Variants in GALNTL6 observed in about 807,000 individuals in gnomAD.
The protein encoded by GALNTL6 is polypeptide N-acetylgalactosaminyltransferase-like 6.
GALNTL6 carries 46 observed loss-of-function variants against 73.7 expected under a neutral mutation model. That is an observed-to-expected ratio of 0.62 (90% CI 0.49 to 0.80). The LOEUF is 0.80. Among genes scored for constraint, GALNTL6 ranks in the 30% least tolerant of loss-of-function variants. The pLI is 0.00. For missense variants in GALNTL6, 604 were observed against 755.0 expected, an observed-to-expected ratio of 0.80 and a Z score of 2.34; for synonymous variants, 259 against 263.7, an observed-to-expected ratio of 0.98 and a Z score of 0.17.
intron 5 of GALNTL6, among the ~76,000 whole-genome samples, chr4:172,421,959 C>T (rs1480585161): frequency 6.6e-6 from 1 of 152,030 alleles, no homozygotes; most frequent in African/African-American, 2.4e-5. Context: ...TGTTTTTAAT[C>T]TAATCAAAAA....
chr4:172,966,206 T>C (rs1039539510), intron 10 of GALNTL6, among the ~76,000 whole-genome samples: 18 of 152,254 alleles, frequency 1.2e-4, no homozygotes, highest in Non-Finnish European at 2.1e-4. Flanking sequence ...ACCCTACCAA[T>C]GGGGTGACAT....
intron 2 of GALNTL6, among the ~76,000 whole-genome samples, chr4:172,134,247 T>C (rs1222813743): frequency 6.6e-6 from 1 of 151,946 alleles, no homozygotes; most frequent in Non-Finnish European, 1.5e-5. Flanking sequence ...TAGCTGGGCA[T>C]GGTGGCGGGC....
intron 5 of GALNTL6, among the ~76,000 whole-genome samples, chr4:172,363,922 T>G (rs2111244546): frequency 6.6e-6 from 1 of 152,310 alleles, no homozygotes; most frequent in East Asian, 1.9e-4. Flanking sequence ...ACACTAATGA[T>G]GTATGTCAGA....
intron 5 of GALNTL6, among the ~76,000 whole-genome samples, chr4:172,540,465 A>T (rs1735511687): frequency 6.6e-6 from 1 of 152,114 alleles, no homozygotes; most frequent in Non-Finnish European, 1.5e-5. Flanking sequence ...AAAATAAATA[A>T]ATAAATAAAA....
intron 8 of GALNTL6, among the ~76,000 whole-genome samples, chr4:172,890,311 T>C (rs1745965082): frequency 1.3e-5 from 2 of 152,102 alleles, no homozygotes; most frequent in African/African-American, 4.8e-5. Context: ...GTTGGAGTGT[T>C]TTTGTTTTTC....
chr4:172,093,030 C>A (rs1027688542), intron 2 of GALNTL6, among the ~76,000 whole-genome samples: 1 of 151,700 alleles, frequency 6.6e-6, no homozygotes, highest in Admixed American at 6.6e-5. Context: ...CCCACCACCA[C>A]GCCTGACTAA....
At chr4:172,331,936 GA>G (rs1741140547) in intron 4 of GALNTL6, among the ~76,000 whole-genome samples, 1 of 152,122 alleles carries the variant, frequency 6.6e-6, no homozygotes, top group African/African-American at 2.4e-5. Flanking sequence ...AATTTTTTAA[GA>G]AATCTCTATA....
intron 7 of GALNTL6, among the ~76,000 whole-genome samples, chr4:172,837,730 C>A (rs1463024188): frequency 1.3e-5 from 2 of 152,050 alleles, no homozygotes; most frequent in Non-Finnish European, 1.5e-5. Context: ...ATGATAAAAG[C>A]AATTCTAAAC....
rs930534490 is a variant in GALNTL6, at chr4:171,903,563, G to C, written c.138+88845G>C. On this transcript the variant is annotated intron_variant, in intron 2 of 12. Coordinates refer to ENST00000506823, the MANE Select transcript of GALNTL6 (RefSeq NM_001034845.3). ...AAACTGCAAGGCGGCAGCGAGGCTG[G>C]GGGAGGGGCGCCCGCCATTGTCCAG... Among the ~76,000 whole-genome samples, 45 of 147,212 alleles carry C rather than the reference G, an allele frequency of 3.1e-4. 1 individual carries two copies. The highest frequency in any genetic ancestry group is 1.1e-3 in the African/African-American group (43 of 38,118).
chr4:172,679,114 A>T (rs1732477837), intron 5 of GALNTL6, among the ~76,000 whole-genome samples: 1 of 152,186 alleles, frequency 6.6e-6, no homozygotes, highest in African/African-American at 2.4e-5. Context: ...AAAATCATTT[A>T]AAAAATGTAA....
Position 172,069,584 on chromosome 4 carries a change from T to TATGTGTTATATATATA in GALNTL6, c.139-160070_139-160069insGTGTTATATATATAAT, listed in dbSNP as rs1579107679. ...TATATAACACATATATGTTATATATTATATATATAACACATATATGTTATA... is the reference window on the plus strand; with the variant it reads ...TATATAACACATATATGTTATATATTATGTGTTATATATATAATATATATAACACATATATGTTATA... On this transcript the variant is annotated intron_variant, in intron 2 of 12. Coordinates refer to ENST00000506823, the MANE Select transcript of GALNTL6 (RefSeq NM_001034845.3). Among the ~76,000 whole-genome samples the TATGTGTTATATATATA allele has an allele frequency of 6.5e-4, 9 of 13,784 alleles. 2 individuals are homozygous for TATGTGTTATATATATA. The East Asian group carries it at 0.095, about 146-fold the overall frequency. The allele number at this position is 13,784 out of a possible 152,430, so 9.0% of individuals were successfully genotyped here.
chr4:172,623,649 C>T (rs2111076951), intron 5 of GALNTL6, among the ~76,000 whole-genome samples: 1 of 152,134 alleles, frequency 6.6e-6, no homozygotes, highest in African/African-American at 2.4e-5. Flanking sequence ...TATGGAAAAA[C>T]TCAACTAATT....
rs949223881 is a variant in GALNTL6 at position 172,871,615 on chromosome 4, T to A, written c.924-11175T>A. ...GGGGGGGTGTGTGTGTGTGAGAGTG[T>A]GTGTGTGTGTGTGTGTGTGTGTGTG... On this transcript the variant is annotated intron_variant, in intron 7 of 12. Transcript: ENST00000506823. 2.2e-5 allele frequency among the ~76,000 whole-genome samples: 3 copies of A among 135,672 alleles called. 1 individual carries two copies. In the East Asian group the frequency reaches 6.4e-4, roughly 29 times the overall value. The allele number at this position is 135,672 out of a possible 152,430, so 89.0% of individuals were successfully genotyped here. A position where few individuals can be genotyped will look rare whatever the true frequency, so the allele number is the denominator to read the frequency against.
At chr4:172,336,994 T>C (rs1741353089) in intron 4 of GALNTL6, among the ~76,000 whole-genome samples, 1 of 152,200 alleles carries the variant, frequency 6.6e-6, no homozygotes, top group Admixed American at 6.5e-5. Context: ...TTTATCATTA[T>C]GCAATGCCCT....
intron 5 of GALNTL6, among the ~76,000 whole-genome samples, chr4:172,539,639 A>G (rs1021541427): frequency 6.6e-6 from 1 of 152,002 alleles, no homozygotes; most frequent in African/African-American, 2.4e-5. Context: ...TTCTTAAATC[A>G]TTTAACTTTT....
intron 5 of GALNTL6, among the ~76,000 whole-genome samples, chr4:172,355,077 T>C (rs921392345): frequency 1.3e-5 from 2 of 152,070 alleles, no homozygotes; most frequent in African/African-American, 4.8e-5. Flanking sequence ...TGAGATACTA[T>C]AGAAATATAT....
chr4:172,381,763 C>G (rs1241672161), intron 5 of GALNTL6, among the ~76,000 whole-genome samples: 1 of 152,056 alleles, frequency 6.6e-6, no homozygotes, highest in Non-Finnish European at 1.5e-5. Context: ...ATTATAAAGA[C>G]AGATATGTTT....
chr4:172,348,617 C>T lies in GALNTL6; in HGVS notation c.481C>T (p.His161Tyr). Reference sequence around the variant, plus strand: ...TTGGACTTCACTCCTGCGGACCATACACAGTATAATTAACCGAACCCCAGG... The same window carrying T: ...TTGGACTTCACTCCTGCGGACCATATACAGTATAATTAACCGAACCCCAGG... ...EGWTSLLRTI[H>Y]SIINRTPGSL... The change falls in exon 5 of 13, where the codon CAC becomes TAC. Residue 161 changes from histidine (H) to tyrosine (Y), a missense_variant. This residue lies in a region of GALNTL6 where 179 missense variants were observed against 230.8 expected (regional missense o/e 0.78). Transcript: ENST00000506823. 6.2e-7 allele frequency: 1 copy of T among 1,612,306 alleles called. No homozygotes were observed. Among genetic ancestry groups the T allele is most frequent in the Non-Finnish European group, 8.5e-7 (1 of 1,178,640 alleles).
intron 10 of GALNTL6, among the ~76,000 whole-genome samples, chr4:172,973,217 A>G (rs988085732): frequency 1.3e-5 from 2 of 152,270 alleles, no homozygotes; most frequent in Non-Finnish European, 2.9e-5. Context: ...TCAAGCTACC[A>G]TCACCTAAAC....
Sources: gnomAD v4.1 joint callset for allele counts (sites outside exome capture counted in the v4.1 genomes callset) on GRCh38, gnomAD v4.1.1 for gene constraint, gnomAD v4.1.1 regional missense constraint, MANE v1.5 for transcripts, NCBI Gene and HGNC (gene_info 2026-07-23, HGNC 2026-07-21) for gene names.